The following PDE3B variants were observed in gnomAD, a reference collection of about 807,000 sequenced individuals.
PDE3B encodes the protein cGMP-inhibited 3',5'-cyclic phosphodiesterase 3B.
In PDE3B, 66 loss-of-function variants were observed where a neutral mutation model predicts 116.8. The ratio of observed to expected loss-of-function variants is 0.56; its 90% CI spans 0.46 to 0.69. The LOEUF (loss-of-function observed/expected upper bound fraction) is 0.69. PDE3B is among the 30% of genes least tolerant of loss of function. The pLI is 0.00. For synonymous variants in PDE3B, 595 were observed against 533.6 expected (o/e 1.12, Z -1.59); for missense variants, 1,384 against 1,368.1 (o/e 1.01, Z -0.18).
At chr11:14,730,061 A>G (rs1280056979) in intron 1 of PDE3B, among the ~76,000 whole-genome samples, 1 of 152,168 alleles carries the variant, frequency 6.6e-6, no homozygotes, top group African/African-American at 2.4e-5. Flanking sequence ...TGGTGAATAC[A>G]TGCATGGCTA....
At chr11:14,680,502 C>A (rs529670156) in intron 1 of PDE3B, among the ~76,000 whole-genome samples, 18 of 152,180 alleles carry the variant, frequency 1.2e-4, no homozygotes, top group Middle Eastern at 3.4e-3. Flanking sequence ...ACTACTGGGG[C>A]AAACAAAAGT....
intron 1 of PDE3B, among the ~76,000 whole-genome samples, chr11:14,750,188 T>C (rs1213558891): frequency 6.6e-6 from 1 of 151,940 alleles, no homozygotes; most frequent in Non-Finnish European, 1.5e-5. Context: ...CTCAGTGTAC[T>C]GCTTCAAATG....
At chr11:14,799,355 C>T (rs1306233933) in intron 4 of PDE3B, among the ~76,000 whole-genome samples, 3 of 152,030 alleles carry the variant, frequency 2.0e-5, no homozygotes, top group Non-Finnish European at 4.4e-5. Flanking sequence ...CTTCCCATTA[C>T]GTGGTCAATC....
At chr11:14,711,944 G>A (rs1012137880) in intron 1 of PDE3B, among the ~76,000 whole-genome samples, 1 of 152,194 alleles carries the variant, frequency 6.6e-6, no homozygotes, top group Non-Finnish European at 1.5e-5. Flanking sequence ...AAATCATCCT[G>A]CACACTGAAT....
the PDE3B span, among the ~76,000 whole-genome samples, chr11:14,899,064 C>T: frequency 3.9e-5 from 6 of 152,170 alleles, no homozygotes; most frequent in African/African-American, 1.4e-4. Context: ...AAAACTCCAG[C>T]CTCAGATCAT....
chr11:14,805,941 G>A (rs938189028), intron 5 of PDE3B, among the ~76,000 whole-genome samples: 9 of 152,336 alleles, frequency 5.9e-5, no homozygotes, highest in Admixed American at 5.9e-4. Context: ...ACCACAATGA[G>A]ATAATATCTC....
chr11:14,748,391 A>G (rs1186146048), intron 1 of PDE3B, among the ~76,000 whole-genome samples: 1 of 152,240 alleles, frequency 6.6e-6, no homozygotes, highest in Non-Finnish European at 1.5e-5. Context: ...TTTTTAAATC[A>G]TTCTCAGAAA....
chr11:14,668,403 T>C (rs1854254136), intron 1 of PDE3B, among the ~76,000 whole-genome samples: 1 of 152,158 alleles, frequency 6.6e-6, no homozygotes, highest in Non-Finnish European at 1.5e-5. Context: ...TTATTATTCA[T>C]CATATTATTT....
chr11:14,822,805 A>G (rs532432478), intron 7 of PDE3B, among the ~76,000 whole-genome samples: 11 of 152,276 alleles, frequency 7.2e-5, no homozygotes, highest in Non-Finnish European at 1.3e-4. Context: ...CTGAGCAGCA[A>G]TGGTCTTCAG....
At chr11:14,783,426 G>A (rs986194676) in intron 2 of PDE3B, among the ~76,000 whole-genome samples, 2 of 152,214 alleles carry the variant, frequency 1.3e-5, no homozygotes, top group South Asian at 2.1e-4. Context: ...ATACTATGCA[G>A]CCATAAAAAT....
At chr11:14,747,674 G>A (rs1208275101) in intron 1 of PDE3B, among the ~76,000 whole-genome samples, 1 of 152,182 alleles carries the variant, frequency 6.6e-6, no homozygotes, top group Non-Finnish European at 1.5e-5. Flanking sequence ...AAATGTAGTG[G>A]TGATGGTGGG....
chr11:14,787,439 T>C (rs759296120), intron 3 of PDE3B, among the ~76,000 whole-genome samples: 9 of 151,942 alleles, frequency 5.9e-5, no homozygotes, highest in Non-Finnish European at 1.2e-4. Flanking sequence ...GAAGACAAAA[T>C]TTATTTCAGT....
rs75948691 is a variant in PDE3B at position 14,766,844 on chromosome 11, C to T, written c.979-5093C>T. On this transcript the variant is annotated intron_variant, in intron 1 of 15. Coordinates refer to ENST00000282096, the MANE Select transcript of PDE3B (RefSeq NM_000922.4). Reference sequence around the variant, plus strand: ...ACAAATATTAAGTAGGAAAAAAAATCATGTTTTGTAGTATGAATTTTTCAG... The same window carrying T: ...ACAAATATTAAGTAGGAAAAAAAATTATGTTTTGTAGTATGAATTTTTCAG... Among the ~76,000 whole-genome samples, 352 of 151,768 alleles carry T rather than the reference C, an allele frequency of 2.3e-3. 2 individuals carry two copies. The highest frequency in any genetic ancestry group is 8.2e-3 in the African/African-American group (340 of 41,498).
At chr11:14,758,206 G>A (rs569369056) in intron 1 of PDE3B, among the ~76,000 whole-genome samples, 1 of 152,108 alleles carries the variant, frequency 6.6e-6, no homozygotes, top group Admixed American at 6.5e-5. Flanking sequence ...GGTTAGTGTA[G>A]CCTTGTAGTA....
rs543671030 is a variant in PDE3B at position 14,658,456 on chromosome 11, A to C, written c.978+13403A>C. Among the ~76,000 whole-genome samples the C allele has an allele frequency of 2.6e-5, 4 of 152,134 alleles. No homozygotes were observed. In the South Asian group the frequency reaches 8.3e-4, roughly 32 times the overall value. On this transcript the variant is annotated intron_variant, in intron 1 of 15. Transcript: ENST00000282096. ...ACTGCAACCTCCGTCTCCTGGGTTC[A>C]AGGATTCTCCTGCCTCACCCTCCCA...
chr11:14,757,429 A>C (rs1468269135), intron 1 of PDE3B, among the ~76,000 whole-genome samples: 3 of 151,182 alleles, frequency 2.0e-5, no homozygotes, highest in South Asian at 2.1e-4. Context: ...ACAGTGTAAA[A>C]GTGTTCCTAT....
At chr11:14,818,505 T>G (rs1434434302) in intron 6 of PDE3B, 112 bp downstream of exon 6, 2 of 654,830 alleles carry the variant, frequency 3.1e-6, no homozygotes, top group Non-Finnish European at 5.3e-6. Context: ...ATGACCATAG[T>G]TTTTTTCGGT....
chr11:14,662,812 A>T (rs900033547), intron 1 of PDE3B, among the ~76,000 whole-genome samples: 63 of 152,242 alleles, frequency 4.1e-4, no homozygotes, highest in African/African-American at 1.5e-3. Context: ...ACTATGTGAA[A>T]AGACCAAATC....
intron 12 of PDE3B, among the ~76,000 whole-genome samples, chr11:14,849,025 C>A (rs1367370919): frequency 6.6e-6 from 1 of 152,022 alleles, no homozygotes; most frequent in African/African-American, 2.4e-5. Flanking sequence ...GCCTGCATCG[C>A]CAAGTCAATC....
Sources: gnomAD v4.1 joint callset for allele counts (sites outside exome capture counted in the v4.1 genomes callset) on GRCh38, gnomAD v4.1.1 for gene constraint, MANE v1.5 for transcripts, NCBI Gene and HGNC (gene_info 2026-07-23, HGNC 2026-07-21) for gene names.